EYS: variants seen among roughly 807,000 people sequenced by gnomAD.
EYS encodes protein eyes shut homolog.
A neutral mutation model predicts 282.1 loss-of-function variants in EYS; 250 were observed. That is an observed-to-expected ratio of 0.89 (90% CI 0.80 to 0.98). EYS has a LOEUF of 0.98. Ranked by LOEUF, EYS falls within the 50% of genes least tolerant of loss-of-function variation. EYS has a pLI of 0.00. For missense variants in EYS, 4,016 were observed against 3,709.0 expected (o/e 1.08, Z -2.15); for synonymous variants, 1,355 against 1,282.9 (o/e 1.06, Z -1.20).
chr6:64,700,454 T>C (rs981817749), intron 22 of EYS, among the ~76,000 whole-genome samples: 6 of 151,912 alleles, frequency 3.9e-5, no homozygotes, highest in Non-Finnish European at 7.4e-5. Context: ...ATCTGTTAGT[T>C]GACAATATAT....
chr6:64,358,172 T>C (rs1771891733), intron 29 of EYS, among the ~76,000 whole-genome samples: 1 of 151,670 alleles, frequency 6.6e-6, no homozygotes, highest in African/African-American at 2.4e-5. Flanking sequence ...GTGGTGTCTA[T>C]TCCTGGTCCC....
chr6:63,990,183 G>A (rs138585101), intron 34 of EYS, among the ~76,000 whole-genome samples: 115 of 151,714 alleles, frequency 7.6e-4, no homozygotes, highest in African/African-American at 2.7e-3. Context: ...AAAATTTGTT[G>A]CAAAATAATA....
At chr6:64,480,074 G>A (rs1776390327) in intron 26 of EYS, among the ~76,000 whole-genome samples, 3 of 151,812 alleles carry the variant, frequency 2.0e-5, no homozygotes, top group South Asian at 2.1e-4. Context: ...TTTTTCAAGC[G>A]AGTAGTAATT....
At chr6:65,506,829 T>C (rs1766678009) in intron 2 of EYS, among the ~76,000 whole-genome samples, 1 of 152,176 alleles carries the variant, frequency 6.6e-6, no homozygotes, top group Non-Finnish European at 1.5e-5. Flanking sequence ...TTCTGCTTCA[T>C]GTGTAGCACC....
intron 22 of EYS, among the ~76,000 whole-genome samples, chr6:64,701,304 C>T (rs1770779126): frequency 6.6e-6 from 1 of 151,978 alleles, no homozygotes; most frequent in Non-Finnish European, 1.5e-5. Flanking sequence ...GGATATTTGC[C>T]TAGGCAAAGA....
chr6:65,141,199 G>A lies in EYS; in HGVS notation c.2024-83472C>T, dbSNP rs113444921. ...GAGTTCATGTCATTTGTAGGGACAT[G>A]GATGAAGCTGGAAATCATCATTCTC... On this transcript the variant is annotated intron_variant, in intron 12 of 42. Coordinates refer to ENST00000503581, the MANE Select transcript of EYS (RefSeq NM_001142800.2). Among the ~76,000 whole-genome samples the A allele has an allele frequency of 4.7e-3, 713 of 152,124 alleles. 5 individuals are homozygous for A. Among genetic ancestry groups the A allele is most frequent in the African/African-American group, 0.015 (629 of 41,506 alleles).
chr6:65,449,526 T>C (rs1764326237), intron 5 of EYS, among the ~76,000 whole-genome samples: 1 of 152,060 alleles, frequency 6.6e-6, no homozygotes, highest in Admixed American at 6.6e-5. Flanking sequence ...TAGTATACAT[T>C]GTTGCCTATA....
chr6:63,739,702 C>T (rs1417500581), intron 41 of EYS, among the ~76,000 whole-genome samples: 2 of 151,840 alleles, frequency 1.3e-5, no homozygotes, highest in Non-Finnish European at 2.9e-5. Flanking sequence ...AACTTATTCC[C>T]CCCACCCCCA....
At chr6:65,694,280 A>AAT (rs1196131128) in intron 1 of EYS, among the ~76,000 whole-genome samples, 1 of 147,802 alleles carries the variant, frequency 6.8e-6, no homozygotes, top group Non-Finnish European at 1.5e-5. Context: ...AAAATAAAAA[A>AAT]ATATATATAT....
chr6:64,923,367 T>C (rs1768414020), intron 15 of EYS, among the ~76,000 whole-genome samples: 1 of 152,034 alleles, frequency 6.6e-6, no homozygotes, highest in Non-Finnish European at 1.5e-5. Flanking sequence ...TTCAATTACC[T>C]CCCCCTGGGT....
At position 64,133,476 on chromosome 6, in the gene EYS, TCACACACACACACACACA is replaced by T. The variant is rs61088369; in HGVS notation, c.6425-51492_6425-51475del. Reference sequence around the variant, plus strand: ...GAACTTGGCTTTCTTTTGCATTACTTCACACACACACACACACACACACACACACACACACACACAGAG... The same window carrying T: ...GAACTTGGCTTTCTTTTGCATTACTTCACACACACACACACACACACAGAG... On this transcript the variant is annotated intron_variant, in intron 31 of 42. Transcript: ENST00000503581. Among the ~76,000 whole-genome samples, 1,286 of 142,450 alleles carry T rather than the reference TCACACACACACACACACA, an allele frequency of 9.0e-3. 14 individuals are homozygous for T. Among genetic ancestry groups the T allele is most frequent in the African/African-American group, 0.031 (1,221 of 39,308 alleles). 93.5% of individuals were successfully genotyped at this position (142,450 alleles called of 152,430 possible). A position where few individuals can be genotyped will look rare whatever the true frequency, so the allele number is the denominator to read the frequency against.
At chr6:63,809,641 T>G (rs1179213550) in intron 36 of EYS, among the ~76,000 whole-genome samples, 1 of 152,114 alleles carries the variant, frequency 6.6e-6, no homozygotes, top group Non-Finnish European at 1.5e-5. Context: ...ACTAATGCTC[T>G]GGGATCATTT....
chr6:63,804,380 G>A (rs1770853078), intron 37 of EYS, among the ~76,000 whole-genome samples: 1 of 152,242 alleles, frequency 6.6e-6, no homozygotes. Flanking sequence ...ACGCTGTAAG[G>A]AAATACACTG....
intron 31 of EYS, among the ~76,000 whole-genome samples, chr6:64,207,754 T>G (rs558688339): frequency 6.6e-6 from 1 of 152,192 alleles, no homozygotes; most frequent in Admixed American, 6.5e-5. Flanking sequence ...GCCTCCCAAG[T>G]TCAAGCAATT....
chr6:64,026,222 T>C (rs1769501932), intron 33 of EYS, among the ~76,000 whole-genome samples: 1 of 152,128 alleles, frequency 6.6e-6, no homozygotes. Flanking sequence ...TTATGGGTTC[T>C]TGGGCAGGGG....
At chr6:65,257,789 A>T (rs929301122) in intron 12 of EYS, among the ~76,000 whole-genome samples, 4 of 152,012 alleles carry the variant, frequency 2.6e-5, no homozygotes, top group African/African-American at 7.2e-5. Flanking sequence ...ATGAGGTAAA[A>T]ATGAAAACAA....
intron 33 of EYS, among the ~76,000 whole-genome samples, chr6:64,045,387 AT>A (rs1339941350): frequency 2.2e-5 from 2 of 92,376 alleles, no homozygotes; most frequent in Non-Finnish European, 3.9e-5. Flanking sequence ...AAACAAGTTT[AT>A]TTTATTTTAT....
chr6:64,442,771 G>T (rs547799210), intron 26 of EYS, among the ~76,000 whole-genome samples: 1 of 151,678 alleles, frequency 6.6e-6, no homozygotes, highest in East Asian at 1.9e-4. Context: ...GTGCACAGAA[G>T]TCAAGAATTG....
intron 36 of EYS, among the ~76,000 whole-genome samples, chr6:63,846,793 T>C (rs1772108965): frequency 6.6e-6 from 1 of 152,182 alleles, no homozygotes; most frequent in African/African-American, 2.4e-5. Flanking sequence ...ACTATCTTAT[T>C]AGAACAAGAG....
Sources: gnomAD v4.1 joint callset for allele counts (sites outside exome capture counted in the v4.1 genomes callset) on GRCh38, gnomAD v4.1.1 for gene constraint, MANE v1.5 for transcripts, NCBI Gene and HGNC (gene_info 2026-07-23, HGNC 2026-07-21) for gene names.